The following CASTOR2 variants were observed in gnomAD, a reference collection of about 807,000 sequenced individuals.
CASTOR2 encodes cytosolic arginine sensor for mTORC1 subunit 2.
In CASTOR2, 8 loss-of-function variants were observed where a neutral mutation model predicts 31.2. That is an observed-to-expected ratio of 0.26 (90% CI 0.15 to 0.46). The LOEUF is 0.46. Among genes scored for constraint, CASTOR2 ranks in the 20% least tolerant of loss-of-function variants. The pLI is 0.99. For synonymous variants in CASTOR2, 162 were observed against 158.7 expected, an observed-to-expected ratio of 1.02 and a Z score of -0.16; for missense variants, 216 against 382.1, an observed-to-expected ratio of 0.57 and a Z score of 3.62.
chr7:75,020,741 G>A (rs1033264099), intron 6 of CASTOR2, among the ~76,000 whole-genome samples: 3 of 151,852 alleles, frequency 2.0e-5, no homozygotes, highest in African/African-American at 4.8e-5. Flanking sequence ...TGCCCGCCCC[G>A]GCCTCCCAAA....
intron 1 of CASTOR2, among the ~76,000 whole-genome samples, chr7:74,996,342 T>G (rs1373098430): frequency 6.6e-6 from 1 of 152,082 alleles, no homozygotes; most frequent in Non-Finnish European, 1.5e-5. Flanking sequence ...CCAGGGCCAC[T>G]CCGAGAGTTA....
intron 1 of CASTOR2, among the ~76,000 whole-genome samples, chr7:74,995,631 C>A (rs1804326489): frequency 6.6e-6 from 1 of 151,318 alleles, no homozygotes; most frequent in South Asian, 2.1e-4. Flanking sequence ...CACAGTGAAA[C>A]CCTGTCTCTA....
intron 2 of CASTOR2, among the ~76,000 whole-genome samples, chr7:75,011,748 C>CAA (rs1295227887): frequency 5.5e-5 from 6 of 109,826 alleles, no homozygotes; most frequent in African/African-American, 1.7e-4. Context: ...AAAAAAAAAC[C>CAA]AAAAAAAAAA....
At chr7:75,019,414 T>G (rs1804941591) in intron 5 of CASTOR2, among the ~76,000 whole-genome samples, 1 of 151,960 alleles carries the variant, frequency 6.6e-6, no homozygotes, top group African/African-American at 2.4e-5. Flanking sequence ...CTGGAGCTAG[T>G]CTGAGGTAGG....
In CASTOR2 at chr7:75,030,460, T is replaced by G. The variant is rs1322591860; in HGVS notation, c.*5761T>G. 4.6e-5 allele frequency among the ~76,000 whole-genome samples: 7 copies of G among 152,156 alleles called. No homozygotes were observed. The highest frequency in any genetic ancestry group is 1.7e-4 in the African/African-American group (7 of 41,434). On this transcript the variant is annotated 3_prime_UTR_variant, in exon 9 of 9. Transcript: ENST00000616305. ...TGGTAGGACGGCCTCACCCCACTTG[T>G]CAGAACTACTCTGGAGGGGGGCAAA...
chr7:75,015,452 T>C (rs1417024397), intron 2 of CASTOR2, among the ~76,000 whole-genome samples: 1 of 151,972 alleles, frequency 6.6e-6, no homozygotes, highest in Non-Finnish European at 1.5e-5. Flanking sequence ...TTTTTATTTT[T>C]ATTTTTTTAG....
intron 6 of CASTOR2, among the ~76,000 whole-genome samples, 181 bp from the exon 7 acceptor site, chr7:75,021,693 G>A (rs942715047): frequency 6.6e-6 from 1 of 152,138 alleles, no homozygotes; most frequent in Non-Finnish European, 1.5e-5. Context: ...CCCTCAAGAC[G>A]AGGAGGCCGC....
chr7:75,010,303 T>G (rs1272935562), intron 2 of CASTOR2, among the ~76,000 whole-genome samples: 1 of 151,992 alleles, frequency 6.6e-6, no homozygotes, highest in Admixed American at 6.6e-5. Context: ...AAGGGCCAGG[T>G]CCAGCCTCTA....
chr7:75,011,493 G>C (rs1414648753), intron 2 of CASTOR2, among the ~76,000 whole-genome samples: 9 of 150,980 alleles, frequency 6.0e-5, no homozygotes, highest in Non-Finnish European at 1.2e-4. Flanking sequence ...CCAGCACTTT[G>C]GGAGGCCGAG....
At chr7:75,008,724 T>C (rs1804659211) in intron 2 of CASTOR2, among the ~76,000 whole-genome samples, 2 of 151,960 alleles carry the variant, frequency 1.3e-5, no homozygotes. Flanking sequence ...AAGAAAAGTG[T>C]CTAGCTGGCA....
rs1232869270 is a variant in CASTOR2, at chr7:74,997,035, G to T, written c.114-10959G>T. Among the ~76,000 whole-genome samples the T allele has an allele frequency of 5.2e-4, 78 of 151,392 alleles. 3 individuals carry two copies. Among genetic ancestry groups the T allele is most frequent in the African/African-American group, 1.8e-3 (76 of 41,306 alleles). ...CAGGCATGAGCCACCGCGCCCAGCC[G>T]CCTGGTGCTTTTTTAATTTTATTTT... On this transcript the variant is annotated intron_variant, in intron 1 of 8. Coordinates refer to ENST00000616305, the MANE Select transcript of CASTOR2 (RefSeq NM_001145064.3).
rs990140477 is a variant in CASTOR2 at position 75,026,858 on chromosome 7, G to T, written c.*2159G>T. 1.3e-5 allele frequency among the ~76,000 whole-genome samples: 2 copies of T among 151,834 alleles called. No homozygotes were observed. The highest frequency in any genetic ancestry group is 4.8e-5 in the African/African-American group (2 of 41,286). On this transcript the variant is annotated 3_prime_UTR_variant, in exon 9 of 9. Transcript: ENST00000616305. ...TGTCACTTCTCTGCCTTTCCTTCCC[G>T]CCGTGCAAGTGTGTCGGCCCCGTGA...
chr7:75,009,369 A>G (rs1335901243), intron 2 of CASTOR2, among the ~76,000 whole-genome samples: 22 of 118,270 alleles, frequency 1.9e-4, no homozygotes, highest in South Asian at 1.4e-3. Context: ...CCAGGTTCAC[A>G]CCATTCTCCT....
intron 1 of CASTOR2, among the ~76,000 whole-genome samples, chr7:74,993,906 G>A (rs1416219008): frequency 1.3e-5 from 2 of 152,114 alleles, no homozygotes; most frequent in African/African-American, 4.8e-5. Context: ...TTACCTGGAA[G>A]TGTCTCTCCC....
intron 2 of CASTOR2, among the ~76,000 whole-genome samples, chr7:75,011,356 G>A (rs1214861780): frequency 1.3e-5 from 2 of 150,918 alleles, no homozygotes; most frequent in Non-Finnish European, 2.9e-5. Context: ...CTGAACCCAC[G>A]AGGCAGAGGC....
chr7:74,994,834 C>T (rs1437811268), intron 1 of CASTOR2, among the ~76,000 whole-genome samples: 4 of 151,622 alleles, frequency 2.6e-5, no homozygotes, highest in Non-Finnish European at 5.9e-5. Context: ...GCCTGGACCA[C>T]GGTGGTTGGA....
rs1805188368 is a variant in CASTOR2, at chr7:75,028,099, G to A, written c.*3400G>A. ...AGGTGCCTGGCGGGGGAGGAAGAGG[G>A]CTCTCTATGATGTGGAATTTTTTTT... On this transcript the variant is annotated 3_prime_UTR_variant, in exon 9 of 9. Coordinates refer to ENST00000616305, the MANE Select transcript of CASTOR2 (RefSeq NM_001145064.3). 1.3e-6 allele frequency: 2 copies of A among 1,511,922 alleles called. No individual in the cohort carries two copies. The highest frequency in any genetic ancestry group is 8.8e-7 in the Non-Finnish European group (1 of 1,138,708). The allele number at this position is 1,511,922 out of a possible 1,614,324, so 93.7% of individuals were successfully genotyped here.
intron 1 of CASTOR2, among the ~76,000 whole-genome samples, chr7:74,977,767 C>T (rs1338094828): frequency 6.6e-6 from 1 of 150,532 alleles, no homozygotes; most frequent in Non-Finnish European, 1.5e-5. Context: ...GCCTCGATTT[C>T]TCAGGCTCCA....
At chr7:74,979,068 G>C (rs1380254551) in intron 1 of CASTOR2, among the ~76,000 whole-genome samples, 13 of 152,040 alleles carry the variant, frequency 8.6e-5, no homozygotes, top group Non-Finnish European at 1.9e-4. Context: ...TCAGGAGGCT[G>C]AGGTGGAAGG....
Sources: allele counts gnomAD v4.1 joint callset (sites outside exome capture counted in the v4.1 genomes callset), GRCh38; gene constraint gnomAD v4.1.1; transcripts MANE v1.5; gene names NCBI Gene and HGNC (gene_info 2026-07-23, HGNC 2026-07-21).